The following WWOX variants were observed in gnomAD, a reference collection of about 807,000 sequenced individuals.
WWOX encodes the protein WW domain-containing oxidoreductase.
In WWOX, 69 loss-of-function variants were observed where a neutral mutation model predicts 46.2. The observed-to-expected ratio is 1.49, with a 90% CI of 1.23 to 1.82. The LOEUF is 1.82. Among genes scored for constraint, WWOX ranks in the 40% most tolerant of loss-of-function variants. The probability of loss-of-function intolerance (pLI) is 0.00; values close to 1 mark genes in which losing one functional copy is unlikely to be tolerated. For missense variants in WWOX, 919 were observed against 542.6 expected, an observed-to-expected ratio of 1.69 and a Z score of -6.89; for synonymous variants, 359 against 202.6, an observed-to-expected ratio of 1.77 and a Z score of -6.56.
chr16:78,941,433 C>G (rs890047260), intron 8 of WWOX, among the ~76,000 whole-genome samples: 1 of 151,630 alleles, frequency 6.6e-6, no homozygotes, highest in Admixed American at 6.6e-5. Context: ...TCCTCGTAAG[C>G]GCATCATTAC....
chr16:78,489,416 T>C (rs2084722571), intron 8 of WWOX, among the ~76,000 whole-genome samples: 1 of 152,306 alleles, frequency 6.6e-6, no homozygotes, highest in Admixed American at 6.5e-5. Context: ...CCTGCTAACA[T>C]ACATTTCAGT....
intron 8 of WWOX, among the ~76,000 whole-genome samples, chr16:79,120,388 T>G (rs924888896): frequency 3.3e-5 from 5 of 152,194 alleles, no homozygotes; most frequent in East Asian, 1.9e-4. Context: ...GGGGTAACAG[T>G]GGGCAATGTG....
rs377479749 is a variant in WWOX at position 78,341,060 on chromosome 16, C to T, written c.517-45800C>T. 4.8e-3 allele frequency among the ~76,000 whole-genome samples: 574 copies of T among 119,740 alleles called. 114 individuals carry two copies. Among genetic ancestry groups the T allele is most frequent in the African/African-American group, 0.014 (509 of 35,288 alleles). The allele number at this position is 119,740 out of a possible 152,430, so 78.6% of individuals were successfully genotyped here. ...CACATTTTCTGAGCCTTTGCTGGCT[C>T]TCTGATAGGAATTGTGTTACTTCTC... On this transcript the variant is annotated intron_variant, in intron 5 of 8. Transcript: ENST00000566780.
intron 5 of WWOX, among the ~76,000 whole-genome samples, chr16:78,267,979 G>C (rs2079403654): frequency 6.6e-6 from 1 of 152,030 alleles, no homozygotes; most frequent in African/African-American, 2.4e-5. Flanking sequence ...CCCCACGCCT[G>C]GCTAAGTTTT....
chr16:78,315,605 A>G (rs1411637888), intron 5 of WWOX, among the ~76,000 whole-genome samples: 1 of 152,118 alleles, frequency 6.6e-6, no homozygotes, highest in African/African-American at 2.4e-5. Flanking sequence ...AGCTGAGATC[A>G]TGCCACTGTA....
At chr16:79,059,469 G>A (rs1226254643) in intron 8 of WWOX, among the ~76,000 whole-genome samples, 4 of 152,164 alleles carry the variant, frequency 2.6e-5, no homozygotes, top group Non-Finnish European at 5.9e-5. Context: ...ATTTGCCATT[G>A]CATCTCAGTC....
In WWOX at chr16:78,587,193, CTT is replaced by C. The variant is rs528293412; in HGVS notation, c.1056+154463_1056+154464del. On this transcript the variant is annotated intron_variant, in intron 8 of 8. Transcript: ENST00000566780. ...AGCAGATGCCACCATGCCTGGCTAA[CTT>C]TTTTTTTTTTTTTTTTTTTTTGTAG... Among the ~76,000 whole-genome samples, 880 of 112,808 alleles carry C rather than the reference CTT, an allele frequency of 7.8e-3. 7 individuals are homozygous for C. Among genetic ancestry groups the C allele is most frequent in the African/African-American group, 0.028 (818 of 29,422 alleles). 74.0% of individuals were successfully genotyped at this position (112,808 alleles called of 152,430 possible).
intron 6 of WWOX, among the ~76,000 whole-genome samples, chr16:78,421,702 A>C (rs2082936057): frequency 6.6e-6 from 1 of 152,176 alleles, no homozygotes; most frequent in African/African-American, 2.4e-5. Flanking sequence ...AAAATGGGGA[A>C]GCATTTTATA....
At chr16:78,147,833 T>C (rs1238760361) in intron 4 of WWOX, among the ~76,000 whole-genome samples, 2 of 151,838 alleles carry the variant, frequency 1.3e-5, no homozygotes, top group Non-Finnish European at 2.9e-5. Context: ...TTTTTCTTTT[T>C]TAAACAATTC....
At chr16:78,384,482 T>G (rs1311182938) in intron 5 of WWOX, among the ~76,000 whole-genome samples, 1 of 152,162 alleles carries the variant, frequency 6.6e-6, no homozygotes, top group Non-Finnish European at 1.5e-5. Context: ...CTTATGAGGG[T>G]TCTGCTCCTC....
chr16:78,361,442 C>G (rs12596991), intron 5 of WWOX, among the ~76,000 whole-genome samples: 1 of 152,028 alleles, frequency 6.6e-6, no homozygotes, highest in East Asian at 1.9e-4. Context: ...CTGGCAGCCC[C>G]GTTTTCCTTA....
chr16:78,183,124 C>G (rs59897251), intron 5 of WWOX, among the ~76,000 whole-genome samples: 3 of 152,092 alleles, frequency 2.0e-5, no homozygotes, highest in African/African-American at 4.8e-5. Context: ...ATCCTTTATT[C>G]TATACCAGCC....
At chr16:78,701,275 T>C (rs73571468) in intron 8 of WWOX, among the ~76,000 whole-genome samples, 165 of 152,244 alleles carry the variant, frequency 1.1e-3, no homozygotes, top group African/African-American at 3.9e-3. Flanking sequence ...CAGGGTCTTG[T>C]TATGTTTCCT....
chr16:78,318,989 C>T (rs1017970752), intron 5 of WWOX, among the ~76,000 whole-genome samples: 7 of 152,132 alleles, frequency 4.6e-5, no homozygotes, highest in African/African-American at 1.7e-4. Context: ...ATTAAGATTG[C>T]AGATGAAATT....
intron 8 of WWOX, among the ~76,000 whole-genome samples, chr16:78,795,075 G>C (rs7192627): frequency 0.02 from 3,103 of 152,272 alleles, 101 homozygotes; most frequent in African/African-American, 0.07. Context: ...TGGTGCTTAA[G>C]CATATCCTGT....
At chr16:78,147,591 T>C (rs1400692778) in intron 4 of WWOX, among the ~76,000 whole-genome samples, 1 of 152,076 alleles carries the variant, frequency 6.6e-6, no homozygotes, top group African/African-American at 2.4e-5. Flanking sequence ...CTTTAGTCTT[T>C]TCAAGAGGCA....
chr16:78,684,881 G>A (rs2047819106), intron 8 of WWOX, among the ~76,000 whole-genome samples: 1 of 152,178 alleles, frequency 6.6e-6, no homozygotes, highest in Admixed American at 6.5e-5. Context: ...TCCTTTTATA[G>A]TCAGAGCATA....
chr16:79,043,326 A>T (rs1183086740), intron 8 of WWOX, among the ~76,000 whole-genome samples: 1 of 152,108 alleles, frequency 6.6e-6, no homozygotes, highest in African/African-American at 2.4e-5. Context: ...ATTAGGATTA[A>T]AAAAATGGTT....
intron 8 of WWOX, among the ~76,000 whole-genome samples, chr16:78,696,769 C>T (rs1385010911): frequency 3.9e-5 from 6 of 152,112 alleles, no homozygotes; most frequent in Admixed American, 3.3e-4. Flanking sequence ...ATCACTCGAG[C>T]AGTATACACT....
Sources: gnomAD v4.1 joint callset for allele counts (sites outside exome capture counted in the v4.1 genomes callset) on GRCh38, gnomAD v4.1.1 for gene constraint, MANE v1.5 for transcripts, NCBI Gene and HGNC (gene_info 2026-07-23, HGNC 2026-07-21) for gene names.